Variants in ASB2 observed in about 807,000 individuals in gnomAD.
ASB2 encodes ankyrin repeat and SOCS box protein 2.
Under a neutral mutation model 62.4 loss-of-function variants are expected in ASB2, and 58 were observed. That is an observed-to-expected ratio of 0.93 (90% CI 0.75 to 1.16). The LOEUF (loss-of-function observed/expected upper bound fraction) is 1.16. Among genes scored for constraint, ASB2 ranks in the 50% most tolerant of loss-of-function variants. The pLI, the probability that ASB2 is intolerant of heterozygous loss-of-function variation, is 0.00. For synonymous variants in ASB2, 386 were observed against 385.3 expected (o/e 1.00, Z -0.02); for missense variants, 928 against 887.9 (o/e 1.05, Z -0.57).
At chr14:93,952,070 T>C (rs1376144762) in intron 5 of ASB2, among the ~76,000 whole-genome samples, 1 of 152,156 alleles carries the variant, frequency 6.6e-6, no homozygotes, top group Non-Finnish European at 1.5e-5. Context: ...GAGGAATGGG[T>C]CAGGGAGACT....
chr14:93,958,554 G>T (rs1409618466), intron 2 of ASB2, among the ~76,000 whole-genome samples: 1 of 152,246 alleles, frequency 6.6e-6, no homozygotes, highest in Non-Finnish European at 1.5e-5. Flanking sequence ...AAATGGAGAA[G>T]TGGGACCAGG....
chr14:93,943,543 C>T lies in ASB2; in HGVS notation c.1052+3806G>A, dbSNP rs192704364. ...CCTGTAATCCCAGCTACTTGGGAGGCTGAGGAAGGAGAATCACTTGAACCC... is the reference window on the plus strand; with the variant it reads ...CCTGTAATCCCAGCTACTTGGGAGGTTGAGGAAGGAGAATCACTTGAACCC... On this transcript the variant is annotated intron_variant, in intron 7 of 9. Coordinates refer to ENST00000555019, the MANE Select transcript of ASB2 (RefSeq NM_001202429.2). 3.9e-5 allele frequency among the ~76,000 whole-genome samples: 6 copies of T among 152,302 alleles called. No individual in the cohort carries two copies. In the East Asian group the frequency reaches 1.2e-3, roughly 29 times the overall value.
chr14:93,951,887 C>T (rs1888984000), intron 5 of ASB2, among the ~76,000 whole-genome samples: 1 of 152,234 alleles, frequency 6.6e-6, no homozygotes, highest in Non-Finnish European at 1.5e-5. Context: ...CTTTCTTGAC[C>T]TGCTCTAACC....
chr14:93,939,596 C>T lies in ASB2; in HGVS notation c.1129G>A (p.Ala377Thr), dbSNP rs1489161581. The T allele has an allele frequency of 5.1e-6, 8 of 1,568,418 alleles. No homozygotes were observed. In the East Asian group the frequency reaches 1.4e-4, roughly 28 times the overall value. Residue 377 changes from alanine to threonine, a missense_variant, in exon 8 of 10, where the codon GCC becomes ACC. Ala to Thr is a moderately conservative substitution (Grantham distance 58). Coordinates refer to ENST00000555019, the MANE Select transcript of ASB2 (RefSeq NM_001202429.2). ...AGCACCTCGTCGTGGTTGCGCTCGG[C>T]CGCCAGGTGCAGCGGACTGACGCCG... ...RSGVSPLHLA[A>T]ERNHDEVLEA... is the part of the protein sequence containing the mutation.
intron 1 of ASB2, among the ~76,000 whole-genome samples, chr14:93,965,646 T>G (rs1254812487): frequency 6.6e-6 from 1 of 152,212 alleles, no homozygotes; most frequent in African/African-American, 2.4e-5. Context: ...TGGCTGAACA[T>G]TGAATCACAT....
At chr14:93,976,288 A>G (rs1889910388) in intron 1 of ASB2, 146 bp downstream of exon 1, 2 of 152,276 alleles carry the variant, frequency 1.3e-5, no homozygotes, top group Admixed American at 6.5e-5. Flanking sequence ...AGCGTGCTGT[A>G]TAACTCAAGA....
At chr14:93,949,961 C>T (rs538897050) in intron 6 of ASB2, among the ~76,000 whole-genome samples, 4 of 152,250 alleles carry the variant, frequency 2.6e-5, no homozygotes, top group South Asian at 2.1e-4. Context: ...GGCAGAGTCC[C>T]GTGCTGCCGA....
intron 2 of ASB2, among the ~76,000 whole-genome samples, chr14:93,959,260 CAG>C (rs1231596291): frequency 6.6e-6 from 1 of 152,188 alleles, no homozygotes; most frequent in African/African-American, 2.4e-5. Flanking sequence ...ATTTGGAAGT[CAG>C]CAGAGAGGGA....
intron 9 of ASB2, among the ~76,000 whole-genome samples, chr14:93,936,519 G>C (rs981731824): frequency 1.3e-5 from 2 of 152,208 alleles, no homozygotes; most frequent in East Asian, 1.9e-4. Flanking sequence ...TTTATCATGC[G>C]TCTAGAGTTA....
At chr14:93,965,183 T>A (rs1889550599) in intron 1 of ASB2, among the ~76,000 whole-genome samples, 1 of 152,224 alleles carries the variant, frequency 6.6e-6, no homozygotes, top group African/African-American at 2.4e-5. Context: ...CCATTGTTTA[T>A]TTTTCCATTC....
rs768403388 is a variant in ASB2 at position 93,953,491 on chromosome 14, G to C, written c.495C>G (p.Ile165Met). ...TTTCCTCCTGCAGGGTGCGCTGGTC[G>C]ATGGTCCCTGGGTACGCTAGGGAGG... is the stretch of plus-strand genomic sequence containing the variant. ...KVLQRAYPGT[I>M]DQRTLQEETA... Residue 165 changes from isoleucine (I) to methionine (M), a missense_variant, in exon 5 of 10, where the codon ATC becomes ATG. Ile to Met is a conservative substitution (Grantham distance 10). Coordinates refer to ENST00000555019, the MANE Select transcript of ASB2 (RefSeq NM_001202429.2). 4 of 1,595,698 alleles carry C rather than the reference G, an allele frequency of 2.5e-6. No individual in the cohort carries two copies.
chr14:93,962,084 G>T (rs1016199342), intron 2 of ASB2, among the ~76,000 whole-genome samples: 7 of 151,646 alleles, frequency 4.6e-5, no homozygotes, highest in African/African-American at 1.7e-4. Flanking sequence ...GCATTTGGGG[G>T]GAGAAGAATT....
At chr14:93,935,569 G>A (rs1316166102) in intron 9 of ASB2, among the ~76,000 whole-genome samples, 2 of 152,158 alleles carry the variant, frequency 1.3e-5, no homozygotes, top group African/African-American at 2.4e-5. Context: ...CTCTGAGTGA[G>A]GTCCTGGGGG....
intron 7 of ASB2, among the ~76,000 whole-genome samples, chr14:93,941,983 A>C (rs888256522): frequency 1.3e-5 from 2 of 152,254 alleles, no homozygotes; most frequent in African/African-American, 4.8e-5. Context: ...GAGGTTGGAC[A>C]GAAGGTGGGT....
intron 9 of ASB2, among the ~76,000 whole-genome samples, chr14:93,935,273 C>T (rs574681770): frequency 8.0e-4 from 122 of 152,314 alleles, no homozygotes; most frequent in Non-Finnish European, 1.3e-3. Context: ...CAGAGACTGA[C>T]AGCTCGCCTC....
At chr14:93,956,523 G>GC (rs971684536) in intron 3 of ASB2, among the ~76,000 whole-genome samples, 10 of 86,760 alleles carry the variant, frequency 1.2e-4, no homozygotes, top group South Asian at 8.2e-4. Flanking sequence ...GGGCATCTGA[G>GC]GGGGGGATCA....
chr14:93,956,698 A>AC, intron 3 of ASB2, 68 bp downstream of exon 3: 1 of 1,597,208 alleles, frequency 6.3e-7, no homozygotes, highest in Non-Finnish European at 8.6e-7. Flanking sequence ...CCTGCTTCCC[A>AC]CCCTCCCTGC....
chr14:93,958,393 C>T (rs543546840), intron 2 of ASB2, among the ~76,000 whole-genome samples: 7 of 152,308 alleles, frequency 4.6e-5, no homozygotes, highest in Admixed American at 6.5e-5. Context: ...TACCACTGTC[C>T]GCCCAGCTCC....
At chr14:93,941,989 TG>T (rs1888543705) in intron 7 of ASB2, among the ~76,000 whole-genome samples, 1 of 152,072 alleles carries the variant, frequency 6.6e-6, no homozygotes, top group African/African-American at 2.4e-5. Context: ...GGACAGAAGG[TG>T]GGTGGTGCAC....
Sources: gnomAD v4.1 joint callset for allele counts (sites outside exome capture counted in the v4.1 genomes callset) on GRCh38, gnomAD v4.1.1 for gene constraint, MANE v1.5 for transcripts, NCBI Gene and HGNC (gene_info 2026-07-23, HGNC 2026-07-21) for gene names.